The following OR2A12 variants were observed in gnomAD, a reference collection of about 807,000 sequenced individuals.
The protein encoded by OR2A12 is olfactory receptor 2A12.
For synonymous variants in OR2A12, 153 were observed against 149.3 expected (o/e 1.02, Z -0.18); for missense variants, 380 against 372.5 (o/e 1.02, Z -0.17).
chr7:144,097,363 A>C lies in OR2A12; in HGVS notation c.*1323A>C, dbSNP rs2051272615. On this transcript the variant is annotated 3_prime_UTR_variant, in exon 2 of 2. Transcript: ENST00000641592. ...TATTGAGAGACTATGGTAAATAAAT[A>C]GATACACAATGTGTGGTATGCCAAG... is the stretch of plus-strand genomic sequence containing the variant. 1 of 152,190 alleles carries C rather than the reference A, an allele frequency of 6.6e-6. No homozygotes were observed. The highest frequency in any genetic ancestry group is 2.4e-5 in the African/African-American group (1 of 41,450). 9.4% of individuals were successfully genotyped at this position (152,190 alleles called of 1,614,324 possible).
In OR2A12 at chr7:144,095,733, C is replaced by A; in HGVS notation, c.626C>A (p.Pro209Gln). 6.2e-7 allele frequency: 1 copy of A among 1,614,062 alleles called. No individual in the cohort carries two copies. The highest frequency in any genetic ancestry group is 8.5e-7 in the Non-Finnish European group (1 of 1,180,026). ...FAGSAFILVGPLCLVLVSYLH... is the reference protein window; with the variant it reads ...FAGSAFILVGQLCLVLVSYLH... ...GGTTCTGCGTTCATCTTAGTGGGGCCGCTCTGCCTGGTGCTGGTCTCCTAC... is the reference window on the plus strand; with the variant it reads ...GGTTCTGCGTTCATCTTAGTGGGGCAGCTCTGCCTGGTGCTGGTCTCCTAC... Residue 209 changes from proline to glutamine, a missense_variant, in exon 2 of 2, where the codon CCG becomes CAG. Physicochemically the swap from Pro to Gln is moderately conservative, Grantham distance 76. Coordinates refer to ENST00000641592, the MANE Select transcript of OR2A12 (RefSeq NM_001004135.2).
At position 144,095,995 on chromosome 7, in the gene OR2A12, G is replaced by C; in HGVS notation, c.888G>C (p.Val296=). Residue 296 remains valine (V), a synonymous_variant, in exon 2 of 2, where the codon GTG becomes GTC. Coordinates refer to ENST00000641592, the MANE Select transcript of OR2A12 (RefSeq NM_001004135.2). ...PLIYSLRNAE[V]KGALKRVLWK... is the part of the protein sequence containing the mutation. ...TCTACAGCCTTAGGAATGCAGAGGTGAAAGGGGCTCTAAAGAGAGTCCTTT... is the reference window on the plus strand; with the variant it reads ...TCTACAGCCTTAGGAATGCAGAGGTCAAAGGGGCTCTAAAGAGAGTCCTTT... 6.2e-7 allele frequency: 1 copy of C among 1,611,678 alleles called. No individual in the cohort carries two copies. Among genetic ancestry groups the C allele is most frequent in the Non-Finnish European group, 8.5e-7 (1 of 1,178,996 alleles).
chr7:144,095,328 C>T lies in OR2A12; in HGVS notation c.221C>T (p.Ser74Leu), dbSNP rs778662610. 7 of 1,613,648 alleles carry T rather than the reference C, an allele frequency of 4.3e-6. No individual in the cohort carries two copies. Among genetic ancestry groups the T allele is most frequent in the East Asian group, 2.2e-5 (1 of 44,880 alleles). Residue 74 changes from serine (S) to leucine (L), a missense_variant, in exon 2 of 2, where the codon TCG becomes TTG. Coordinates refer to ENST00000641592, the MANE Select transcript of OR2A12 (RefSeq NM_001004135.2). ...GCCATTGTGGACATGTCCTATGCCT[C>T]GAGTACTGTCCCTAAGATGCTAGCA... ...HLAIVDMSYA[S>L]STVPKMLANL...
At chr7:144,089,767 A>G (rs1297993649) in intron 1 of OR2A12, among the ~76,000 whole-genome samples, 2 of 152,054 alleles carry the variant, frequency 1.3e-5, no homozygotes, top group Non-Finnish European at 2.9e-5. Flanking sequence ...AGCATTCTTT[A>G]TTTTTCACAC....
intron 1 of OR2A12, among the ~76,000 whole-genome samples, chr7:144,093,623 C>T (rs997903460): frequency 2.3e-5 from 3 of 130,136 alleles, no homozygotes; most frequent in African/African-American, 5.5e-5. Flanking sequence ...GCTATCCCTC[C>T]CCCCACCCCC....
At chr7:144,088,994 C>T (rs949416477) in intron 1 of OR2A12, among the ~76,000 whole-genome samples, 1 of 152,160 alleles carries the variant, frequency 6.6e-6, no homozygotes. Flanking sequence ...AAAACAAACT[C>T]TCCAGAATAC....
chr7:144,093,333 G>A (rs1425073597), intron 1 of OR2A12, among the ~76,000 whole-genome samples: 4 of 152,018 alleles, frequency 2.6e-5, no homozygotes, highest in Non-Finnish European at 5.9e-5. Context: ...GTCTCTAAGT[G>A]GTGCTTTCAA....
chr7:144,088,600 T>G (rs1416500821), intron 1 of OR2A12, among the ~76,000 whole-genome samples: 4 of 152,244 alleles, frequency 2.6e-5, no homozygotes, highest in African/African-American at 2.4e-5. Context: ...GTTTAGAATC[T>G]TTACAAAACT....
chr7:144,092,702 A>G (rs2051234706), intron 1 of OR2A12, among the ~76,000 whole-genome samples: 1 of 150,788 alleles, frequency 6.6e-6, no homozygotes, highest in South Asian at 2.1e-4. Flanking sequence ...TTTTATAGGT[A>G]CTCTTTTTCA....
chr7:144,088,732 T>C (rs2051205800), intron 1 of OR2A12, among the ~76,000 whole-genome samples: 1 of 152,228 alleles, frequency 6.6e-6, no homozygotes, highest in Non-Finnish European at 1.5e-5. Context: ...TAATAGTTCA[T>C]TGATTGAGTT....
chr7:144,095,464 T>C lies in OR2A12; in HGVS notation c.357T>C (p.Tyr119=), dbSNP rs1274525897. 1 of 1,613,986 alleles carries C rather than the reference T, an allele frequency of 6.2e-7. No homozygotes were observed. Among genetic ancestry groups the C allele is most frequent in the Non-Finnish European group, 8.5e-7 (1 of 1,179,846 alleles). Residue 119 remains tyrosine, a synonymous_variant, in exon 2 of 2, where the codon TAT becomes TAC. Transcript: ENST00000641592. ...TECLILVMMC[Y]DRYVAICHPL... is the part of the protein sequence containing the mutation. ...GTCTGATTTTGGTGATGATGTGCTA[T>C]GATCGGTATGTGGCAATCTGTCACC...
rs2128803271 is a variant in OR2A12, at chr7:144,096,070, A to G, written c.*30A>G. On this transcript the variant is annotated 3_prime_UTR_variant, in exon 2 of 2. Coordinates refer to ENST00000641592, the MANE Select transcript of OR2A12 (RefSeq NM_001004135.2). ...TCATTTGAGATATCCTGAGTGTGTAAGCATGGTTCTCATGACCCTGGGTCC... is the reference window on the plus strand; with the variant it reads ...TCATTTGAGATATCCTGAGTGTGTAGGCATGGTTCTCATGACCCTGGGTCC... 2 of 1,478,904 alleles carry G rather than the reference A, an allele frequency of 1.4e-6. No individual in the cohort carries two copies. The highest frequency in any genetic ancestry group is 2.3e-5 in the East Asian group (1 of 44,194). 91.6% of individuals were successfully genotyped at this position (1,478,904 alleles called of 1,614,324 possible). A position where few individuals can be genotyped will look rare whatever the true frequency, so the allele number is the denominator to read the frequency against.
At position 144,096,209 on chromosome 7, in the gene OR2A12, C is replaced by T; in HGVS notation, c.*169C>T. On this transcript the variant is annotated 3_prime_UTR_variant, in exon 2 of 2. Coordinates refer to ENST00000641592, the MANE Select transcript of OR2A12 (RefSeq NM_001004135.2). Reference sequence around the variant, plus strand: ...GTGGCTGAAGCCTGTAATCCCAACACTTTGGGAGGCTGACCTGGGCGGATT... The same window carrying T: ...GTGGCTGAAGCCTGTAATCCCAACATTTTGGGAGGCTGACCTGGGCGGATT... 1.8e-6 allele frequency: 1 copy of T among 544,352 alleles called. No homozygotes were observed. The highest frequency in any genetic ancestry group is 3.2e-5 in the East Asian group (1 of 31,302). 33.7% of individuals were successfully genotyped at this position (544,352 alleles called of 1,614,324 possible). A position where few individuals can be genotyped will look rare whatever the true frequency, so the allele number is the denominator to read the frequency against.
rs751860206 is a variant in OR2A12 at position 144,095,170 on chromosome 7, T to C, written c.63T>C (p.Ala21=). ...TGTTGGGATTCCAGGTGGACCCAGC[T>C]CTGGAGTTGTTCCTCTTTGGGTTTT... ...VILLGFQVDP[A]LELFLFGFFL... The change falls in exon 2 of 2, where the codon GCT becomes GCC. Residue 21 remains alanine, a synonymous_variant. Transcript: ENST00000641592. 8.7e-6 allele frequency: 14 copies of C among 1,614,050 alleles called. No homozygotes were observed. Among genetic ancestry groups the C allele is most frequent in the Non-Finnish European group, 1.0e-5 (12 of 1,179,954 alleles).
intron 1 of OR2A12, among the ~76,000 whole-genome samples, chr7:144,094,127 A>C (rs28613255): frequency 7.2e-5 from 11 of 151,836 alleles, no homozygotes; most frequent in African/African-American, 2.7e-4. Flanking sequence ...TTGAGTGGAG[A>C]AGTTTTTGTT....
intron 1 of OR2A12, among the ~76,000 whole-genome samples, chr7:144,091,936 C>G (rs549216702): frequency 2.9e-4 from 44 of 151,994 alleles, no homozygotes; most frequent in Non-Finnish European, 5.6e-4. Context: ...TTTCTATGTC[C>G]AGAACAGTAC....
At position 144,090,285 on chromosome 7, in the gene OR2A12, TTA is replaced by T. The variant is rs1366702873; in HGVS notation, c.-52+3745_-52+3746del. 2.6e-5 allele frequency among the ~76,000 whole-genome samples: 4 copies of T among 151,936 alleles called. No individual in the cohort carries two copies. In the East Asian group the frequency reaches 7.7e-4, roughly 29 times the overall value. On this transcript the variant is annotated intron_variant, in intron 1 of 1. Coordinates refer to ENST00000641592, the MANE Select transcript of OR2A12 (RefSeq NM_001004135.2). ...CAAAGGCTTTAAGAGACAAATAAAATTATAGTTTCTATTAGAAATCAAAAAGG... is the reference window on the plus strand; with the variant it reads ...CAAAGGCTTTAAGAGACAAATAAAATTAGTTTCTATTAGAAATCAAAAAGG...
At chr7:144,093,025 G>A (rs1034915943) in intron 1 of OR2A12, among the ~76,000 whole-genome samples, 3 of 151,140 alleles carry the variant, frequency 2.0e-5, no homozygotes, top group East Asian at 1.9e-4. Flanking sequence ...GAAAATTGTC[G>A]GTCATTTACA....
At chr7:144,095,033 A>AT (rs1204922416) in intron 1 of OR2A12, 24 bp from the exon 2 acceptor site, 20 of 987,294 alleles carry the variant, frequency 2.0e-5, no homozygotes, top group Non-Finnish European at 2.9e-5. Context: ...CTATAATGAA[A>AT]TGTTTTTTAT....
Sources: allele counts gnomAD v4.1 joint callset (sites outside exome capture counted in the v4.1 genomes callset), GRCh38; gene constraint gnomAD v4.1.1; transcripts MANE v1.5; gene names NCBI Gene and HGNC (gene_info 2026-07-23, HGNC 2026-07-21).